ENOX1: variants seen among roughly 807,000 people sequenced by gnomAD.
ENOX1 encodes candidate growth-related and time keeping constitutive hydroquinone (NADH) oxidase.
In ENOX1, 42 loss-of-function variants were observed where a neutral mutation model predicts 82.5. That is an observed-to-expected ratio of 0.51 (90% confidence interval 0.40 to 0.66). The LOEUF (loss-of-function observed/expected upper bound fraction) is 0.66, where lower values mean the gene tolerates loss of function less well. Among genes scored for constraint, ENOX1 ranks in the 30% least tolerant of loss-of-function variants. The probability of loss-of-function intolerance (pLI) is 0.00; values close to 1 mark genes in which losing one functional copy is unlikely to be tolerated. For missense variants in ENOX1, 608 were observed against 811.6 expected (o/e 0.75, Z 3.05); for synonymous variants, 271 against 282.2 (o/e 0.96, Z 0.40).
chr13:43,617,070 A>G (rs1472849030), intron 2 of ENOX1, among the ~76,000 whole-genome samples: 1 of 152,212 alleles, frequency 6.6e-6, no homozygotes, highest in Non-Finnish European at 1.5e-5. Context: ...ATGAACATAT[A>G]CATAACTGTA....
At chr13:43,629,749 G>A (rs545063468) in intron 2 of ENOX1, among the ~76,000 whole-genome samples, 1 of 152,290 alleles carries the variant, frequency 6.6e-6, no homozygotes, top group Non-Finnish European at 1.5e-5. Context: ...TTGGCCATCT[G>A]TTTTTGCCCT....
chr13:43,231,255 A>T (rs889156391), intron 15 of ENOX1, among the ~76,000 whole-genome samples: 2 of 152,202 alleles, frequency 1.3e-5, no homozygotes, highest in Admixed American at 1.3e-4. Context: ...ATGTTGGAGA[A>T]TCAGCAGGAA....
intron 1 of ENOX1, among the ~76,000 whole-genome samples, chr13:43,745,577 AAGAAAT>A (rs1434891861): frequency 3.3e-5 from 5 of 152,312 alleles, no homozygotes; most frequent in South Asian, 4.1e-4. Context: ...GTGATGGTAA[AAGAAAT>A]AGAAACAACT....
chr13:43,344,500 A>G, intron 9 of ENOX1, 38 bp downstream of exon 9: 1 of 1,537,428 alleles, frequency 6.5e-7, no homozygotes, highest in Non-Finnish European at 8.9e-7. Flanking sequence ...AAAAGGCAAA[A>G]TCACAACAAA....
At chr13:43,701,108 G>A (rs1042326957) in intron 1 of ENOX1, among the ~76,000 whole-genome samples, 31 of 152,086 alleles carry the variant, frequency 2.0e-4, no homozygotes, top group African/African-American at 6.5e-4. Flanking sequence ...TTAGTTTTAC[G>A]CATTTTTTTG....
At chr13:43,247,348 T>C (rs565158313) in intron 14 of ENOX1, among the ~76,000 whole-genome samples, 1 of 152,028 alleles carries the variant, frequency 6.6e-6, no homozygotes, top group Non-Finnish European at 1.5e-5. Context: ...AAAAGTATTG[T>C]CTCTAATATT....
intron 5 of ENOX1, among the ~76,000 whole-genome samples, chr13:43,398,545 T>C (rs1230361312): frequency 6.6e-6 from 1 of 152,088 alleles, no homozygotes; most frequent in Middle Eastern, 3.2e-3. Flanking sequence ...TTGAAGAACA[T>C]GTGTTTGAAT....
intron 2 of ENOX1, among the ~76,000 whole-genome samples, chr13:43,512,712 T>C (rs1032908396): frequency 6.6e-6 from 1 of 151,528 alleles, no homozygotes; most frequent in South Asian, 2.1e-4. Context: ...ACCTGCTGCC[T>C]ATCACTTGCA....
At chr13:43,697,128 A>G (rs1158499860) in intron 1 of ENOX1, among the ~76,000 whole-genome samples, 1 of 152,246 alleles carries the variant, frequency 6.6e-6, no homozygotes, top group Admixed American at 6.5e-5. Flanking sequence ...AAGGATGGTC[A>G]AATCTGAAGG....
At chr13:43,398,213 T>A (rs539368075) in intron 5 of ENOX1, among the ~76,000 whole-genome samples, 7 of 152,364 alleles carry the variant, frequency 4.6e-5, no homozygotes, top group Admixed American at 1.3e-4. Flanking sequence ...ACACGAGTTT[T>A]AATTTGTATA....
chr13:43,280,951 G>A (rs576490247), intron 12 of ENOX1, among the ~76,000 whole-genome samples: 3 of 152,298 alleles, frequency 2.0e-5, no homozygotes, highest in Admixed American at 2.0e-4. Context: ...AAGTTTCCAA[G>A]TTATTTAAAC....
At chr13:43,413,896 C>T (rs1402289858) in intron 3 of ENOX1, among the ~76,000 whole-genome samples, 3 of 151,662 alleles carry the variant, frequency 2.0e-5, no homozygotes, top group African/African-American at 2.4e-5. Flanking sequence ...TGCACTTTCA[C>T]CATTTCAAAA....
At chr13:43,540,015 T>C (rs1194590843) in intron 2 of ENOX1, among the ~76,000 whole-genome samples, 1 of 152,180 alleles carries the variant, frequency 6.6e-6, no homozygotes, top group African/African-American at 2.4e-5. Flanking sequence ...TCCATTCTTG[T>C]ATATTTTGAC....
chr13:43,725,174 A>G (rs923850), intron 1 of ENOX1, among the ~76,000 whole-genome samples: 139,556 of 152,150 alleles, frequency 0.92, 64,292 homozygotes, highest in East Asian at 1. Context: ...TTTTCTGATG[A>G]GTATTTAAAA....
chr13:43,482,641 A>C (rs886135241), intron 3 of ENOX1, among the ~76,000 whole-genome samples: 3 of 108,540 alleles, frequency 2.8e-5, no homozygotes, highest in Non-Finnish European at 5.8e-5. Flanking sequence ...GTGTGTTTTA[A>C]CCACAATAAA....
At chr13:43,581,660 C>G (rs1357658762) in intron 2 of ENOX1, among the ~76,000 whole-genome samples, 6 of 152,214 alleles carry the variant, frequency 3.9e-5, no homozygotes, top group African/African-American at 7.2e-5. Context: ...TCCCTACTCT[C>G]CTAGTGGGTA....
chr13:43,247,863 ATATATATATATATATATATAT>A (rs1566329572), intron 14 of ENOX1, among the ~76,000 whole-genome samples: 2 of 1,848 alleles, frequency 1.1e-3, no homozygotes, highest in Admixed American at 8.2e-3. Context: ...ATATATATAT[ATATATATATATATATATATAT>A]TTTTTTTTTT....
intron 1 of ENOX1, among the ~76,000 whole-genome samples, chr13:43,785,726 C>G (rs1221116207): frequency 1.3e-5 from 2 of 152,110 alleles, no homozygotes; most frequent in African/African-American, 4.8e-5. Context: ...ATGTGCTCGC[C>G]GCGGGATGAC....
At chr13:43,526,447 T>A (rs528478425) in intron 2 of ENOX1, among the ~76,000 whole-genome samples, 1 of 152,260 alleles carries the variant, frequency 6.6e-6, no homozygotes, top group Admixed American at 6.5e-5. Flanking sequence ...AAATGAGCTT[T>A]TCATGCTGTA....
Sources: allele counts gnomAD v4.1 joint callset (sites outside exome capture counted in the v4.1 genomes callset), GRCh38; gene constraint gnomAD v4.1.1; transcripts MANE v1.5; gene names NCBI Gene and HGNC (gene_info 2026-07-23, HGNC 2026-07-21).